The following SPIN1 variants were observed in gnomAD, a reference collection of about 807,000 sequenced individuals.
The protein encoded by SPIN1 is spindlin-1.
A neutral mutation model predicts 26.0 loss-of-function variants in SPIN1; 3 were observed. The observed-to-expected ratio is 0.12, with a 90% CI of 0.05 to 0.30. The LOEUF is 0.30. Among genes scored for constraint, SPIN1 ranks in the 10% least tolerant of loss-of-function variants. The probability of loss-of-function intolerance (pLI) is 1.00; values close to 1 mark genes in which losing one functional copy is unlikely to be tolerated. For missense variants in SPIN1, 126 were observed against 333.4 expected (o/e 0.38, Z 4.84); for synonymous variants, 101 against 116.5 (o/e 0.87, Z 0.86).
At chr9:88,424,493 T>A (rs1290030442) in intron 1 of SPIN1, among the ~76,000 whole-genome samples, 1 of 152,184 alleles carries the variant, frequency 6.6e-6, no homozygotes, top group Non-Finnish European at 1.5e-5. Context: ...AGCAATGGAA[T>A]AATAATCATC....
intron 1 of SPIN1, among the ~76,000 whole-genome samples, chr9:88,395,880 C>T (rs920449239): frequency 3.3e-5 from 5 of 151,978 alleles, no homozygotes; most frequent in Admixed American, 2.0e-4. Flanking sequence ...AACCCCATCT[C>T]TGCTAAAAAT....
intron 2 of SPIN1, among the ~76,000 whole-genome samples, chr9:88,446,441 T>C (rs543240866): frequency 6.6e-6 from 1 of 151,278 alleles, no homozygotes; most frequent in South Asian, 2.1e-4. Context: ...AGGTTTGCTC[T>C]TGTTGCCCAA....
At chr9:88,410,753 CA>C (rs1273357098) in intron 1 of SPIN1, 3 of 1,285,094 alleles carry the variant, frequency 2.3e-6, no homozygotes, top group Non-Finnish European at 3.4e-6. Flanking sequence ...CCACCATTAC[CA>C]AATCCATTAT....
chr9:88,424,772 G>A (rs906211947), intron 1 of SPIN1, among the ~76,000 whole-genome samples: 2 of 152,180 alleles, frequency 1.3e-5, no homozygotes, highest in Admixed American at 6.5e-5. Flanking sequence ...TAGATGAAGT[G>A]TAGGGTAAGT....
intron 2 of SPIN1, among the ~76,000 whole-genome samples, chr9:88,437,112 A>ATGC (rs1428714698): frequency 4.6e-5 from 7 of 151,920 alleles, no homozygotes; most frequent in African/African-American, 1.7e-4. Flanking sequence ...TTTTATCACC[A>ATGC]AATAATCTAC....
chr9:88,437,675 CG>C (rs1249130903), intron 2 of SPIN1, among the ~76,000 whole-genome samples: 7 of 152,140 alleles, frequency 4.6e-5, no homozygotes, highest in African/African-American at 1.7e-4. Flanking sequence ...TCTTCCAAAG[CG>C]GCTCTACCGT....
intron 1 of SPIN1, among the ~76,000 whole-genome samples, chr9:88,420,837 ATTTC>A (rs1203048756): frequency 6.6e-6 from 1 of 152,148 alleles, no homozygotes; most frequent in Non-Finnish European, 1.5e-5. Context: ...CCATTATCAC[ATTTC>A]TTTAAGGCTG....
At chr9:88,426,219 T>C (rs1166783104) in intron 1 of SPIN1, among the ~76,000 whole-genome samples, 163 bp from the exon 2 acceptor site, 1 of 152,224 alleles carries the variant, frequency 6.6e-6, no homozygotes, top group Non-Finnish European at 1.5e-5. Flanking sequence ...CTTTCTACTT[T>C]GTCATGTCCT....
intron 1 of SPIN1, among the ~76,000 whole-genome samples, chr9:88,407,370 G>A (rs1827333125): frequency 6.6e-6 from 1 of 151,700 alleles, no homozygotes; most frequent in Non-Finnish European, 1.5e-5. Flanking sequence ...GTCTTGAACT[G>A]CTGATCCCTA....
chr9:88,442,740 G>C (rs180957152), intron 2 of SPIN1, among the ~76,000 whole-genome samples: 11 of 151,810 alleles, frequency 7.2e-5, no homozygotes, highest in South Asian at 2.1e-4. Context: ...GATACTCTTT[G>C]GTGTAGTTTT....
intron 3 of SPIN1, among the ~76,000 whole-genome samples, chr9:88,451,112 T>TAA (rs551909200): frequency 2.3e-4 from 34 of 148,920 alleles, no homozygotes; most frequent in East Asian, 9.8e-4. Flanking sequence ...AAACCAAATA[T>TAA]AAAAAAAAAA....
intron 1 of SPIN1, among the ~76,000 whole-genome samples, chr9:88,398,378 T>C (rs139104694): frequency 2.0e-5 from 3 of 152,140 alleles, no homozygotes; most frequent in African/African-American, 7.2e-5. Context: ...CTGAGTTTCA[T>C]GAAAGCAGAA....
chr9:88,442,640 C>T (rs1319944545), intron 2 of SPIN1, among the ~76,000 whole-genome samples: 1 of 152,066 alleles, frequency 6.6e-6, no homozygotes. Flanking sequence ...CCACCTCGGC[C>T]TCCCAAAGTG....
At chr9:88,472,104 C>T (rs1468912333) in intron 5 of SPIN1, among the ~76,000 whole-genome samples, 1 of 152,076 alleles carries the variant, frequency 6.6e-6, no homozygotes, top group Non-Finnish European at 1.5e-5. Flanking sequence ...CCGGCCCCTC[C>T]TTTCTTTTTC....
intron 1 of SPIN1, among the ~76,000 whole-genome samples, chr9:88,404,069 C>T (rs2117923070): frequency 1.3e-5 from 2 of 152,270 alleles, no homozygotes; most frequent in South Asian, 2.1e-4. Flanking sequence ...ATACTGTAGA[C>T]AGTTGGAACA....
At chr9:88,442,775 A>G (rs1160090244) in intron 2 of SPIN1, among the ~76,000 whole-genome samples, 3 of 151,788 alleles carry the variant, frequency 2.0e-5, no homozygotes, top group Admixed American at 6.6e-5. Flanking sequence ...TTGGCTTGGC[A>G]TTCTCTGAGC....
At position 88,462,399 on chromosome 9, in the gene SPIN1, C is replaced by T. The variant is rs2118190460; in HGVS notation, c.102-97C>T. 4.0e-6 allele frequency: 6 copies of T among 1,486,294 alleles called. No homozygotes were observed. The South Asian group carries it at 5.4e-5, about 13-fold the overall frequency. The allele number at this position is 1,486,294 out of a possible 1,614,324, so 92.1% of individuals were successfully genotyped here. Reference sequence around the variant, plus strand: ...ACATGAGTTTGTACATATTTTGGGACCATCTGTAATGAGATCATGCTAGCC... The same window carrying T: ...ACATGAGTTTGTACATATTTTGGGATCATCTGTAATGAGATCATGCTAGCC... On this transcript the variant is annotated intron_variant, in intron 3 of 5. Coordinates refer to ENST00000375859, the MANE Select transcript of SPIN1 (RefSeq NM_006717.3).
intron 2 of SPIN1, among the ~76,000 whole-genome samples, chr9:88,441,638 C>A (rs67959979): frequency 6.6e-6 from 1 of 151,128 alleles, no homozygotes; most frequent in African/African-American, 2.5e-5. Flanking sequence ...TCCTGTAGTC[C>A]CAGCTACTTC....
At chr9:88,454,871 T>G (rs1214204052) in intron 3 of SPIN1, among the ~76,000 whole-genome samples, 1 of 152,228 alleles carries the variant, frequency 6.6e-6, no homozygotes. Flanking sequence ...GCTGGACTCA[T>G]GATTTTAACA....
Sources: gnomAD v4.1 joint callset for allele counts (sites outside exome capture counted in the v4.1 genomes callset) on GRCh38, gnomAD v4.1.1 for gene constraint, MANE v1.5 for transcripts, NCBI Gene and HGNC (gene_info 2026-07-23, HGNC 2026-07-21) for gene names.